The following FGF13 variants were observed in gnomAD, a reference collection of about 807,000 sequenced individuals.
The protein encoded by FGF13 is fibroblast growth factor homologous factor 2.
Under a neutral mutation model 19.5 loss-of-function variants are expected in FGF13, and 2 were observed. That is an observed-to-expected ratio of 0.10 (90% CI 0.04 to 0.32). The LOEUF (loss-of-function observed/expected upper bound fraction) is 0.32, where lower values mean the gene tolerates loss of function less well. Ranked by LOEUF, FGF13 falls within the 10% of genes least tolerant of loss-of-function variation. The pLI is 1.00. For synonymous variants in FGF13, 72 were observed against 76.9 expected (o/e 0.94, Z 0.33); for missense variants, 113 against 192.7 (o/e 0.59, Z 2.45).
At chrX:138,709,897 A>G (rs1343251219) in intron 1 of FGF13, among the ~76,000 whole-genome samples, 1 of 112,235 alleles carries the variant, frequency 8.9e-6, no homozygotes, top group African/African-American at 3.2e-5. Flanking sequence ...CTGCTTTTCC[A>G]TCCCAGGGTG....
At chrX:138,708,326 C>T (rs193238556) in intron 2 of FGF13, among the ~76,000 whole-genome samples, 155 of 111,962 alleles carry the variant, frequency 1.4e-3, no homozygotes, top group Middle Eastern at 9.1e-3. Context: ...CCTTTACCCA[C>T]CTGCGGAGGT....
intron 1 of FGF13, among the ~76,000 whole-genome samples, chrX:138,897,218 C>T (rs747842640): frequency 8.9e-6 from 1 of 111,734 alleles, no homozygotes; most frequent in East Asian, 2.8e-4. Flanking sequence ...CCATGTTGCC[C>T]AGGCTGGTCT....
chrX:139,165,049 G>C (rs2084070419), intron 1 of FGF13, among the ~76,000 whole-genome samples: 1 of 111,892 alleles, frequency 8.9e-6, no homozygotes, highest in Non-Finnish European at 1.9e-5. Flanking sequence ...AAGTGGTTGT[G>C]ATCACAATGC....
intron 1 of FGF13, among the ~76,000 whole-genome samples, chrX:138,927,807 C>G (rs774284908): frequency 9.0e-6 from 1 of 111,708 alleles, no homozygotes; most frequent in African/African-American, 3.3e-5. Context: ...AGGTAGTCAG[C>G]CGCTACCATA....
At chrX:139,110,338 A>C (rs2083591967) in intron 1 of FGF13, among the ~76,000 whole-genome samples, 1 of 109,729 alleles carries the variant, frequency 9.1e-6, no homozygotes, top group African/African-American at 3.3e-5. Context: ...CTTGAATTGT[A>C]CTCCAATAAT....
upstream of FGF13, among the ~76,000 whole-genome samples, chrX:138,713,634 C>A (rs983563268): frequency 8.1e-5 from 9 of 111,489 alleles, no homozygotes; most frequent in Admixed American, 4.7e-4. Flanking sequence ...TTGAGAAAAT[C>A]ATAAGGGCTT....
In FGF13 at chrX:138,864,082, A is replaced by G. The variant is rs140091167; in HGVS notation, c.-39+495T>C. Among the ~76,000 whole-genome samples, 455 of 111,985 alleles carry G rather than the reference A, an allele frequency of 4.1e-3. 4 individuals carry two copies. Among genetic ancestry groups the G allele is most frequent in the African/African-American group, 0.014 (436 of 30,839 alleles). On this transcript the variant is annotated intron_variant, in intron 2 of 2. Coordinates refer to the FGF13 transcript ENST00000421460. ...GTGACAACAAAAAATGCCTCCGGAC[A>G]TTGTCAAATCCCCCCAATCCCCGCC... is the stretch of plus-strand genomic sequence containing the variant.
intron 1 of FGF13, among the ~76,000 whole-genome samples, chrX:138,899,433 A>G (rs991184853): frequency 9.0e-6 from 1 of 111,321 alleles, no homozygotes; most frequent in Non-Finnish European, 1.9e-5. Context: ...GTGCTGGGTA[A>G]GGTCACTTTA....
intron 3 of FGF13, among the ~76,000 whole-genome samples, chrX:138,782,037 A>T (rs2090648377): frequency 8.9e-6 from 1 of 112,019 alleles, no homozygotes; most frequent in Admixed American, 9.4e-5. Context: ...CCAGCATATA[A>T]ACAGAACCAA....
At chrX:138,916,675 T>A (rs1250905176) in intron 1 of FGF13, among the ~76,000 whole-genome samples, 1 of 112,536 alleles carries the variant, frequency 8.9e-6, no homozygotes, top group Admixed American at 9.4e-5. Flanking sequence ...ACATTCTACA[T>A]GCTATTCAGG....
intron 1 of FGF13, among the ~76,000 whole-genome samples, chrX:138,906,567 C>T (rs773124549): frequency 1.6e-4 from 18 of 111,403 alleles, no homozygotes; most frequent in East Asian, 2.8e-4. Flanking sequence ...TGTCAGGTAG[C>T]GATACGTACA....
At chrX:138,657,217 T>C (rs987707504) in intron 3 of FGF13, among the ~76,000 whole-genome samples, 7 of 112,227 alleles carry the variant, frequency 6.2e-5, no homozygotes, top group Non-Finnish European at 1.3e-4. Context: ...CAGGGTAATG[T>C]ACTAGGTTCT....
At chrX:139,082,718 C>T (rs899927365) in intron 1 of FGF13, among the ~76,000 whole-genome samples, 7 of 111,921 alleles carry the variant, frequency 6.3e-5, no homozygotes, top group Non-Finnish European at 1.3e-4. Context: ...TTCTAATCTC[C>T]AGTACCATGA....
chrX:138,729,343 T>A (rs1489613720), intron 1 of FGF13, among the ~76,000 whole-genome samples: 1 of 111,227 alleles, frequency 9.0e-6, no homozygotes, highest in Non-Finnish European at 1.9e-5. Context: ...GAGAAAAAAT[T>A]GAAAAGCTAG....
intron 2 of FGF13, 102 bp from the exon 3 acceptor site, chrX:138,703,189 G>A (rs1215730775): frequency 1.0e-5 from 6 of 589,576 alleles, no homozygotes; most frequent in Non-Finnish European, 1.7e-5. Context: ...GTAGTGTGTA[G>A]TTGGTGAGGG....
At chrX:138,712,504 C>A (rs1376837611), upstream of FGF13, among the ~76,000 whole-genome samples, 1 of 111,241 alleles carries the variant, frequency 9.0e-6, no homozygotes, top group Non-Finnish European at 1.9e-5. Flanking sequence ...AGGCAGCCTC[C>A]TTCCCTCCAA....
chrX:139,013,128 A>C (rs939788609), intron 1 of FGF13, among the ~76,000 whole-genome samples: 5 of 111,587 alleles, frequency 4.5e-5, no homozygotes, highest in East Asian at 5.7e-4. Context: ...AATGCAAATC[A>C]AAATCAAAAT....
Position 138,629,176 on chromosome X carries a change from C to T in FGF13, c.*3674G>A, listed in dbSNP as rs184531975. 8.9e-6 allele frequency: 1 copy of T among 111,802 alleles called. No individual in the cohort carries two copies. The highest frequency in any genetic ancestry group is 9.5e-5 in the Admixed American group (1 of 10,540). The allele number at this position is 111,802 out of a possible 1,213,427, so 9.2% of individuals were successfully genotyped here. A position where few individuals can be genotyped will look rare whatever the true frequency, so the allele number is the denominator to read the frequency against. On this transcript the variant is annotated 3_prime_UTR_variant, in exon 5 of 5. Coordinates refer to ENST00000315930, the MANE Select transcript of FGF13 (RefSeq NM_004114.5). ...AAACACCACAGGTGATTCAGGTACA[C>T]ATAAAAAGCTTGAGGACTACCACTC...
intron 1 of FGF13, among the ~76,000 whole-genome samples, chrX:139,146,787 C>T (rs1413435606): frequency 9.0e-6 from 1 of 111,326 alleles, no homozygotes; most frequent in Non-Finnish European, 1.9e-5. Context: ...TACTATGCAG[C>T]CATAAAAAAG....
Sources: allele counts gnomAD v4.1 joint callset (sites outside exome capture counted in the v4.1 genomes callset), GRCh38; gene constraint gnomAD v4.1.1; transcripts MANE v1.5; gene names NCBI Gene and HGNC (gene_info 2026-07-23, HGNC 2026-07-21).